Variants in BPNT2 observed in about 807,000 individuals in gnomAD.
BPNT2 encodes the protein 3'(2'), 5'-bisphosphate nucleotidase 2.
In BPNT2, 11 loss-of-function variants were observed where a neutral mutation model predicts 29.3. That is an observed-to-expected ratio of 0.38 (90% CI 0.24 to 0.62). The LOEUF (loss-of-function observed/expected upper bound fraction) is 0.62, where lower values mean the gene tolerates loss of function less well. Ranked by LOEUF, BPNT2 falls within the 20% of genes least tolerant of loss-of-function variation. BPNT2 has a pLI of 0.62. For synonymous variants in BPNT2, 195 were observed against 187.7 expected (o/e 1.04, Z -0.32); for missense variants, 459 against 473.4 (o/e 0.97, Z 0.28).
intron 4 of BPNT2, among the ~76,000 whole-genome samples, chr8:56,965,290 G>C (rs1270788562): frequency 6.6e-6 from 1 of 152,170 alleles, no homozygotes; most frequent in East Asian, 1.9e-4. Flanking sequence ...CTGCACTCCA[G>C]CCTGGGAGAC....
At chr8:56,969,333 T>G (rs1328634012) in intron 3 of BPNT2, among the ~76,000 whole-genome samples, 1 of 152,218 alleles carries the variant, frequency 6.6e-6, no homozygotes, top group African/African-American at 2.4e-5. Context: ...GATCATACCA[T>G]GAGTTAGCTC....
chr8:56,964,090 T>C (rs745418308), intron 4 of BPNT2, 26 bp from the exon 5 acceptor site: 13 of 1,520,098 alleles, frequency 8.6e-6, no homozygotes, highest in Non-Finnish European at 1.2e-5. Flanking sequence ...AGAATTTAGG[T>C]TATTATTCAA....
At chr8:56,983,280 C>A (rs1806274860) in intron 1 of BPNT2, among the ~76,000 whole-genome samples, 1 of 152,110 alleles carries the variant, frequency 6.6e-6, no homozygotes, top group African/African-American at 2.4e-5. Context: ...GCTAGAGAAG[C>A]CCCTCACTGA....
chr8:56,971,892 G>A (rs1386959822), intron 3 of BPNT2, among the ~76,000 whole-genome samples: 4 of 146,738 alleles, frequency 2.7e-5, no homozygotes, highest in African/African-American at 9.9e-5. Context: ...TCAGAAGATC[G>A]AGACCATCCT....
chr8:56,966,055 G>T, intron 4 of BPNT2, 136 bp downstream of exon 4: 1 of 921,656 alleles, frequency 1.1e-6, no homozygotes. Flanking sequence ...TACCAAACAG[G>T]AGACCAAGCC....
intron 3 of BPNT2, among the ~76,000 whole-genome samples, chr8:56,968,322 T>A (rs1385748075): frequency 7.3e-6 from 1 of 136,832 alleles, no homozygotes. Context: ...TAGCAAGCAA[T>A]GAGAAAAGCA....
At chr8:56,967,418 A>G (rs557601984) in intron 3 of BPNT2, among the ~76,000 whole-genome samples, 87 of 152,228 alleles carry the variant, frequency 5.7e-4, no homozygotes, top group Middle Eastern at 6.8e-3. Context: ...AACGTATGAG[A>G]AAGTAGGGAG....
rs1806461808 is a variant in BPNT2 at position 56,993,788 on chromosome 8, C to T, written c.-203G>A. Reference sequence around the variant, plus strand: ...AGACCACCAACGCCGCCCCGCGCGCCTGACTCGCCAGGCAGCGCGCTCTAG... The same window carrying T: ...AGACCACCAACGCCGCCCCGCGCGCTTGACTCGCCAGGCAGCGCGCTCTAG... On this transcript the variant is annotated 5_prime_UTR_variant, in exon 1 of 5. Transcript: ENST00000262644. 1.5e-6 allele frequency: 1 copy of T among 650,002 alleles called. No homozygotes were observed. The highest frequency in any genetic ancestry group is 1.9e-6 in the Non-Finnish European group (1 of 520,696). The allele number at this position is 650,002 out of a possible 1,614,324, so 40.3% of individuals were successfully genotyped here. A position where few individuals can be genotyped will look rare whatever the true frequency, so the allele number is the denominator to read the frequency against.
intron 3 of BPNT2, among the ~76,000 whole-genome samples, chr8:56,975,288 C>T (rs1029869043): frequency 2.0e-5 from 3 of 152,116 alleles, no homozygotes; most frequent in East Asian, 3.8e-4. Context: ...AGCACACCTA[C>T]GCTTTGGCCT....
rs1805884129 is a variant in BPNT2 at position 56,963,704 on chromosome 8, T to C, written c.*89A>G. 2 of 1,461,414 alleles carry C rather than the reference T, an allele frequency of 1.4e-6. No individual in the cohort carries two copies. Among genetic ancestry groups the C allele is most frequent in the East Asian group, 2.3e-5 (1 of 44,188 alleles). The allele number at this position is 1,461,414 out of a possible 1,614,324, so 90.5% of individuals were successfully genotyped here. A position where few individuals can be genotyped will look rare whatever the true frequency, so the allele number is the denominator to read the frequency against. ...AAAAAGTTCGGGATGGCCTTAACCA[T>C]GCATAGTCTCCACCAATCCTTTGAA... On this transcript the variant is annotated 3_prime_UTR_variant, in exon 5 of 5. Transcript: ENST00000262644.
intron 1 of BPNT2, among the ~76,000 whole-genome samples, chr8:56,987,756 TCTTG>T (rs1806349550): frequency 1.4e-5 from 2 of 147,520 alleles, no homozygotes; most frequent in Non-Finnish European, 3.0e-5. Context: ...TGAGATGGAG[TCTTG>T]CTCTGTCACC....
intron 1 of BPNT2, among the ~76,000 whole-genome samples, chr8:56,981,935 A>G (rs1410433279): frequency 1.3e-5 from 2 of 152,130 alleles, no homozygotes; most frequent in Non-Finnish European, 2.9e-5. Context: ...CACTGACAAT[A>G]CATGAGTATT....
At position 56,967,037 on chromosome 8, in the gene BPNT2, T is replaced by C. The variant is rs188055351; in HGVS notation, c.647-685A>G. 159 of 400,862 alleles carry C rather than the reference T, an allele frequency of 4.0e-4. 2 individuals are homozygous for C. In the Middle Eastern group the frequency reaches 6.4e-3, roughly 16 times the overall value. The allele number at this position is 400,862 out of a possible 1,614,324, so 24.8% of individuals were successfully genotyped here. ...TTAAAAGGGAAGGGGATGTCAGAGA[T>C]GGCTTCAGATGATTTTCCTGGTTTG... On this transcript the variant is annotated intron_variant, in intron 3 of 4. Transcript: ENST00000262644.
In BPNT2 at chr8:56,960,459, CAA is replaced by C. The variant is rs1805813953; in HGVS notation, c.*3332_*3333del. 2 of 152,196 alleles carry C rather than the reference CAA, an allele frequency of 1.3e-5. No individual in the cohort carries two copies. Among genetic ancestry groups the C allele is most frequent in the East Asian group, 1.9e-4 (1 of 5,196 alleles). The allele number at this position is 152,196 out of a possible 1,614,324, so 9.4% of individuals were successfully genotyped here. On this transcript the variant is annotated 3_prime_UTR_variant, in exon 5 of 5. Transcript: ENST00000262644. ...ATATTCAAAGGGAGCACCTAACAAA[CAA>C]GAGGAATTTGCACAACTGTTACTTA...
rs375488265 is a variant in BPNT2 at position 56,980,173 on chromosome 8, C to T, written c.412G>A (p.Ala138Thr). 5 of 1,613,624 alleles carry T rather than the reference C, an allele frequency of 3.1e-6. No homozygotes were observed. The highest frequency in any genetic ancestry group is 4.2e-6 in the Non-Finnish European group (5 of 1,179,744). The change falls in exon 2 of 5, where the codon GCA becomes ACA. Residue 138 changes from alanine (A) to threonine (T), a missense_variant. By Grantham distance (58) the Ala-to-Thr change is moderately conservative. Coordinates refer to ENST00000262644, the MANE Select transcript of BPNT2 (RefSeq NM_017813.5). ...CACAAGATAACCTCCTGATCAGCTGCATCCACGTGTTCCTCAGTATTAATC... is the reference window on the plus strand; with the variant it reads ...CACAAGATAACCTCCTGATCAGCTGTATCCACGTGTTCCTCAGTATTAATC... Reference protein sequence around the residue: ...VQINTEEHVDAADQEVILWDH... With the variant: ...VQINTEEHVDTADQEVILWDH...
intron 2 of BPNT2, among the ~76,000 whole-genome samples, chr8:56,979,810 T>C (rs1217754639): frequency 6.6e-6 from 1 of 152,204 alleles, no homozygotes; most frequent in Non-Finnish European, 1.5e-5. Flanking sequence ...CAGATGTACA[T>C]GCATTAAAAC....
In BPNT2 at chr8:56,993,499, C is replaced by G. The variant is rs1392857079; in HGVS notation, c.87G>C (p.Ser29=). 1 of 1,500,472 alleles carries G rather than the reference C, an allele frequency of 6.7e-7. No individual in the cohort carries two copies. Among genetic ancestry groups the G allele is most frequent in the Non-Finnish European group, 8.9e-7 (1 of 1,125,252 alleles). 92.9% of individuals were successfully genotyped at this position (1,500,472 alleles called of 1,614,324 possible). A position where few individuals can be genotyped will look rare whatever the true frequency, so the allele number is the denominator to read the frequency against. ...LGLGVLYHLY[S]GFLAGRFSLF... is the part of the protein sequence containing the mutation. ...GGCTGAAGCGGCCGGCCAAGAAGCC[C>G]GAGTAGAGGTGGTAGAGCACGCCGA... The change falls in exon 1 of 5, where the codon TCG becomes TCC. Residue 29 remains serine, a synonymous_variant. Coordinates refer to ENST00000262644, the MANE Select transcript of BPNT2 (RefSeq NM_017813.5).
intron 3 of BPNT2, among the ~76,000 whole-genome samples, chr8:56,977,439 T>C (rs1375836946): frequency 1.3e-5 from 2 of 152,188 alleles, no homozygotes; most frequent in Non-Finnish European, 2.9e-5. Context: ...ATGTCCTTTC[T>C]GTTTCTTATA....
At chr8:56,990,752 G>A (rs773931271) in intron 1 of BPNT2, among the ~76,000 whole-genome samples, 5 of 152,090 alleles carry the variant, frequency 3.3e-5, no homozygotes, top group Non-Finnish European at 5.9e-5. Context: ...GTTGTCAAAT[G>A]TCAGTTAGGG....
Sources: allele counts gnomAD v4.1 joint callset (sites outside exome capture counted in the v4.1 genomes callset), GRCh38; gene constraint gnomAD v4.1.1; transcripts MANE v1.5; gene names NCBI Gene and HGNC (gene_info 2026-07-23, HGNC 2026-07-21).